MYO3A: variants seen among roughly 807,000 people sequenced by gnomAD.
MYO3A encodes the protein myosin-IIIa.
A neutral mutation model predicts 192.7 loss-of-function variants in MYO3A; 180 were observed. That is an observed-to-expected ratio of 0.93 (90% confidence interval 0.83 to 1.06). The LOEUF (loss-of-function observed/expected upper bound fraction) is 1.06. Ranked by LOEUF, MYO3A falls within the 50% of genes least tolerant of loss-of-function variation. MYO3A has a pLI of 0.00. For missense variants in MYO3A, 1,896 were observed against 1,905.0 expected (o/e 1.00, Z 0.09); for synonymous variants, 628 against 645.3 (o/e 0.97, Z 0.41).
intron 17 of MYO3A, among the ~76,000 whole-genome samples, chr10:26,101,270 T>A (rs1318173250): frequency 6.6e-6 from 1 of 152,226 alleles, no homozygotes; most frequent in East Asian, 1.9e-4. Flanking sequence ...TCCAAACCTT[T>A]ATTTTGAACC....
intron 2 of MYO3A, among the ~76,000 whole-genome samples, chr10:25,936,882 G>GTA (rs756191603): frequency 1.7e-4 from 25 of 150,406 alleles, no homozygotes; most frequent in Non-Finnish European, 3.0e-4. Context: ...CTGGAATATG[G>GTA]TAAGCAGTTA....
Position 25,997,348 on chromosome 10 carries a change from G to T in MYO3A, c.508+90G>T, listed in dbSNP as rs1840520847. Reference sequence around the variant, plus strand: ...TTTTTCGAATGGCCTTCCTTTCTAGGTATTGGAAATAGAGGAAAAATCAGT... The same window carrying T: ...TTTTTCGAATGGCCTTCCTTTCTAGTTATTGGAAATAGAGGAAAAATCAGT... On this transcript the variant is annotated intron_variant, in intron 6 of 34. Coordinates refer to ENST00000642920, the MANE Select transcript of MYO3A (RefSeq NM_017433.5). The T allele has an allele frequency of 6.0e-6, 6 of 1,002,120 alleles. No individual in the cohort carries two copies. In the South Asian group the frequency reaches 7.9e-5, roughly 13 times the overall value. 62.1% of individuals were successfully genotyped at this position (1,002,120 alleles called of 1,614,324 possible).
chr10:26,189,887 A>T (rs1053070107), intron 31 of MYO3A, among the ~76,000 whole-genome samples: 3 of 151,912 alleles, frequency 2.0e-5, no homozygotes, highest in Admixed American at 6.6e-5. Context: ...ACATGCTGAA[A>T]CCCCATCTCT....
intron 2 of MYO3A, among the ~76,000 whole-genome samples, chr10:25,946,478 G>A (rs148397452): frequency 6.7e-6 from 1 of 150,048 alleles, no homozygotes; most frequent in African/African-American, 2.4e-5. Context: ...AGAGTCCCTT[G>A]TATGTGATAA....
chr10:26,082,471 T>C (rs1415734894), intron 14 of MYO3A, among the ~76,000 whole-genome samples: 1 of 152,124 alleles, frequency 6.6e-6, no homozygotes, highest in African/African-American at 2.4e-5. Context: ...CTAACAGTTA[T>C]TTTTTTGGGA....
intron 10 of MYO3A, among the ~76,000 whole-genome samples, chr10:26,031,176 C>G (rs1458079809): frequency 1.3e-5 from 2 of 152,168 alleles, no homozygotes; most frequent in African/African-American, 4.8e-5. Flanking sequence ...TAAAACAATA[C>G]AAGCCCACTT....
At chr10:26,078,130 C>CTTTTTTT (rs57336459) in intron 14 of MYO3A, among the ~76,000 whole-genome samples, 30 of 122,306 alleles carry the variant, frequency 2.5e-4, no homozygotes, top group African/African-American at 8.4e-4. Flanking sequence ...TGGTCCTGGA[C>CTTTTTTT]TTTTTTTTTT....
At chr10:26,106,937 C>T (rs1365187315) in intron 17 of MYO3A, among the ~76,000 whole-genome samples, 11 of 140,208 alleles carry the variant, frequency 7.8e-5, no homozygotes, top group Admixed American at 1.4e-4. Flanking sequence ...CTATTTTTTT[C>T]TTTTATATCA....
At chr10:26,159,042 C>T (rs1841323060) in intron 26 of MYO3A, among the ~76,000 whole-genome samples, 1 of 149,568 alleles carries the variant, frequency 6.7e-6, no homozygotes, top group East Asian at 2.0e-4. Context: ...GAGTCTTGCA[C>T]TGTTGCCCAG....
At chr10:26,167,032 G>T (rs1174773102) in intron 27 of MYO3A, among the ~76,000 whole-genome samples, 2 of 152,120 alleles carry the variant, frequency 1.3e-5, no homozygotes, top group Non-Finnish European at 2.9e-5. Flanking sequence ...AAATAAACAG[G>T]GTTCCATTGT....
At chr10:26,040,144 T>C (rs1843263408) in intron 10 of MYO3A, among the ~76,000 whole-genome samples, 1 of 152,066 alleles carries the variant, frequency 6.6e-6, no homozygotes, top group South Asian at 2.1e-4. Context: ...CATTGGTTGT[T>C]TAGTATCATA....
chr10:26,150,247 GT>G (rs1370163944), intron 23 of MYO3A, among the ~76,000 whole-genome samples: 3 of 152,122 alleles, frequency 2.0e-5, no homozygotes, highest in African/African-American at 7.2e-5. Context: ...TTGCAAACAT[GT>G]TTTAAGAATG....
chr10:26,143,638 G>T (rs1171069060), intron 21 of MYO3A, 37 bp downstream of exon 21: 2 of 1,608,144 alleles, frequency 1.2e-6, no homozygotes, highest in Admixed American at 3.3e-5. Context: ...ATGGTTTTAT[G>T]AATAGAGTCT....
intron 14 of MYO3A, among the ~76,000 whole-genome samples, chr10:26,078,273 C>T (rs1218867511): frequency 6.6e-6 from 1 of 151,486 alleles, no homozygotes; most frequent in Non-Finnish European, 1.5e-5. Context: ...TCTAGGTTTT[C>T]TAGTTTATGT....
chr10:26,086,897 T>C (rs1489929404), intron 14 of MYO3A, among the ~76,000 whole-genome samples: 1 of 152,164 alleles, frequency 6.6e-6, no homozygotes, highest in Non-Finnish European at 1.5e-5. Flanking sequence ...ATAAATTAAT[T>C]GTGTGTGAAT....
chr10:26,194,439 C>A (rs1207446744), intron 32 of MYO3A, among the ~76,000 whole-genome samples: 2 of 152,168 alleles, frequency 1.3e-5, no homozygotes, highest in Admixed American at 1.3e-4. Flanking sequence ...GCTCCCGAGG[C>A]CTTTGCACCC....
chr10:26,075,769 CAT>C lies in MYO3A; in HGVS notation c.1359+5377_1359+5378del, dbSNP rs1239108848. The stretch of plus-strand genomic sequence containing the variant: ...ATATATGATATATATATGTCTCTCT[CAT>C]ATATATATGATATATATGTCTCTCT... On this transcript the variant is annotated intron_variant, in intron 14 of 34. Transcript: ENST00000642920. Among the ~76,000 whole-genome samples the C allele has an allele frequency of 2.9e-4, 42 of 144,944 alleles. No homozygotes were observed. The South Asian group carries it at 3.2e-3, about 11-fold the overall frequency.
chr10:25,961,827 T>C (rs1837948716), intron 4 of MYO3A, among the ~76,000 whole-genome samples: 1 of 152,184 alleles, frequency 6.6e-6, no homozygotes, highest in South Asian at 2.1e-4. Flanking sequence ...CATCAATGCT[T>C]TGTAGTACAA....
intron 4 of MYO3A, among the ~76,000 whole-genome samples, chr10:25,976,445 G>C (rs773761551): frequency 3.9e-5 from 6 of 152,058 alleles, no homozygotes. Context: ...AAACAACAAA[G>C]CCAGTAATGC....
Sources: gnomAD v4.1 joint callset for allele counts (sites outside exome capture counted in the v4.1 genomes callset) on GRCh38, gnomAD v4.1.1 for gene constraint, MANE v1.5 for transcripts, NCBI Gene and HGNC (gene_info 2026-07-23, HGNC 2026-07-21) for gene names.